The following TAFA2 variants were observed in gnomAD, a reference collection of about 807,000 sequenced individuals.
The protein encoded by TAFA2 is chemokine-like protein TAFA-2.
Under a neutral mutation model 18.8 loss-of-function variants are expected in TAFA2, and 7 were observed. The ratio of observed to expected loss-of-function variants is 0.37; its 90% CI spans 0.21 to 0.70. The LOEUF (loss-of-function observed/expected upper bound fraction) is 0.70, where lower values mean the gene tolerates loss of function less well. TAFA2 is among the 30% of genes least tolerant of loss of function. The probability of loss-of-function intolerance (pLI) is 0.53; values close to 1 mark genes in which losing one functional copy is unlikely to be tolerated. For synonymous variants in TAFA2, 60 were observed against 54.2 expected, an observed-to-expected ratio of 1.11 and a Z score of -0.47; for missense variants, 122 against 158.1, an observed-to-expected ratio of 0.77 and a Z score of 1.23.
At chr12:62,099,557 T>C (rs74490396) in intron 1 of TAFA2, among the ~76,000 whole-genome samples, 3,702 of 152,284 alleles carry the variant, frequency 0.024, 152 homozygotes, top group African/African-American at 0.084. Context: ...TCAATGACCA[T>C]TTATGCATAG....
rs755362431 is a variant in TAFA2 at position 61,781,685 on chromosome 12, AG to A, written c.107-26662del. Among the ~76,000 whole-genome samples the A allele has an allele frequency of 6.7e-4, 101 of 151,876 alleles. 1 individual carries two copies. The highest frequency in any genetic ancestry group is 1.3e-3 in the Non-Finnish European group (85 of 67,804). ...CAAAGCCCACAGTGATAAGAATGTTAGAAATACACGATAAAAATATGTCTTA... is the reference window on the plus strand; with the variant it reads ...CAAAGCCCACAGTGATAAGAATGTTAAAATACACGATAAAAATATGTCTTA... On this transcript the variant is annotated intron_variant, in intron 2 of 4. Transcript: ENST00000416284.
chr12:61,936,644 CA>C (rs1208400677), intron 1 of TAFA2, among the ~76,000 whole-genome samples: 2 of 151,942 alleles, frequency 1.3e-5, no homozygotes, highest in African/African-American at 2.4e-5. Context: ...AAACCCTCAA[CA>C]AACTAGGCAG....
At chr12:61,893,363 G>A (rs941639468) in intron 1 of TAFA2, among the ~76,000 whole-genome samples, 1 of 152,200 alleles carries the variant, frequency 6.6e-6, no homozygotes, top group Non-Finnish European at 1.5e-5. Context: ...TGAATACAAT[G>A]AATATAGAAA....
At chr12:61,810,716 T>A (rs1394813215) in intron 2 of TAFA2, among the ~76,000 whole-genome samples, 1 of 151,236 alleles carries the variant, frequency 6.6e-6, no homozygotes, top group East Asian at 1.9e-4. Context: ...GCCAGTAGAA[T>A]AAAGGTAAAA....
chr12:62,032,289 T>C (rs1035400270), intron 1 of TAFA2, among the ~76,000 whole-genome samples: 7 of 152,180 alleles, frequency 4.6e-5, no homozygotes, highest in African/African-American at 1.7e-4. Flanking sequence ...TTAAGTAATA[T>C]GACCTTTCTC....
At position 61,737,334 on chromosome 12, in the gene TAFA2, T is replaced by A. The variant is rs553899236; in HGVS notation, c.384+16288A>T. 4.6e-5 allele frequency among the ~76,000 whole-genome samples: 7 copies of A among 152,112 alleles called. No individual in the cohort carries two copies. The South Asian group carries it at 1.4e-3, about 31-fold the overall frequency. Reference sequence around the variant, plus strand: ...CATGAAAATTGCATATCTTTTTCAATTTCTCCTAACTTTTTTTCACTTCTT... The same window carrying A: ...CATGAAAATTGCATATCTTTTTCAAATTCTCCTAACTTTTTTTCACTTCTT... On this transcript the variant is annotated intron_variant, in intron 4 of 4. Coordinates refer to ENST00000416284, the MANE Select transcript of TAFA2 (RefSeq NM_178539.5).
At chr12:61,803,137 A>G (rs1871465770) in intron 2 of TAFA2, among the ~76,000 whole-genome samples, 2 of 152,010 alleles carry the variant, frequency 1.3e-5, no homozygotes, top group African/African-American at 4.8e-5. Context: ...CCAATACTTT[A>G]TCCAAGGAAT....
chr12:62,194,318 C>T (rs2062639699), upstream of TAFA2, among the ~76,000 whole-genome samples: 1 of 14,452 alleles, frequency 6.9e-5, no homozygotes, highest in African/African-American at 2.0e-4. Flanking sequence ...CACACACACA[C>T]ACACACACAT....
At chr12:62,142,445 C>T (rs546262641) in intron 1 of TAFA2, among the ~76,000 whole-genome samples, 68 of 152,252 alleles carry the variant, frequency 4.5e-4, no homozygotes, top group African/African-American at 1.5e-3. Context: ...CCTTTCACTC[C>T]ATGACATCAT....
intron 2 of TAFA2, among the ~76,000 whole-genome samples, chr12:61,784,143 T>C (rs1326002046): frequency 6.6e-6 from 1 of 151,590 alleles, no homozygotes; most frequent in East Asian, 1.9e-4. Context: ...GAAGAAAGGA[T>C]ATAATCTAAT....
chr12:61,845,971 C>T (rs1873387106), intron 2 of TAFA2, among the ~76,000 whole-genome samples: 1 of 152,092 alleles, frequency 6.6e-6, no homozygotes, highest in Non-Finnish European at 1.5e-5. Flanking sequence ...TTGTGTTTAG[C>T]CACAGAATTC....
At chr12:62,151,672 G>T (rs1325658493) in intron 1 of TAFA2, among the ~76,000 whole-genome samples, 1 of 152,134 alleles carries the variant, frequency 6.6e-6, no homozygotes, top group Admixed American at 6.5e-5. Context: ...CACTGTTCTT[G>T]CCAGAAAAGT....
intron 1 of TAFA2, among the ~76,000 whole-genome samples, chr12:62,203,248 T>A (rs972412513): frequency 1.1e-4 from 17 of 152,278 alleles, no homozygotes; most frequent in Admixed American, 3.9e-4. Context: ...AGGAGTGTTT[T>A]ACTTCCAATT....
At chr12:61,911,706 T>A (rs1348116029) in intron 1 of TAFA2, among the ~76,000 whole-genome samples, 1 of 152,168 alleles carries the variant, frequency 6.6e-6, no homozygotes, top group African/African-American at 2.4e-5. Flanking sequence ...GCATCAGGTC[T>A]GGACAGAGAG....
rs375972233 is a variant in TAFA2, at chr12:61,859,542, C to G, written c.106+7778G>C. 7.9e-5 allele frequency among the ~76,000 whole-genome samples: 12 copies of G among 152,342 alleles called. No individual in the cohort carries two copies. The East Asian group carries it at 1.4e-3, about 17-fold the overall frequency. The stretch of plus-strand genomic sequence containing the variant: ...CACTGCAACCTCCGCCTACAGGGCT[C>G]AAGCGATTCTTCTGCCTCAGCCTCC... On this transcript the variant is annotated intron_variant, in intron 2 of 4. Transcript: ENST00000416284.
chr12:62,113,004 C>A (rs964003746), intron 1 of TAFA2, among the ~76,000 whole-genome samples: 2 of 152,082 alleles, frequency 1.3e-5, no homozygotes, highest in African/African-American at 4.8e-5. Context: ...AACTCATTCT[C>A]CATCCAGTTT....
chr12:61,812,747 T>C, intron 2 of TAFA2, among the ~76,000 whole-genome samples: 1 of 150,860 alleles, frequency 6.6e-6, no homozygotes, highest in Admixed American at 6.6e-5. Context: ...CTTTTGTATT[T>C]TTAGTAGGGA....
intron 1 of TAFA2, among the ~76,000 whole-genome samples, chr12:61,934,231 C>A (rs1159634187): frequency 6.6e-6 from 1 of 152,156 alleles, no homozygotes; most frequent in African/African-American, 2.4e-5. Flanking sequence ...CCAAAACTTC[C>A]CTAACCAGAA....
chr12:61,960,269 G>T (rs1878837270), intron 1 of TAFA2, among the ~76,000 whole-genome samples: 1 of 151,456 alleles, frequency 6.6e-6, no homozygotes, highest in Non-Finnish European at 1.5e-5. Context: ...ATATCGCTGG[G>T]TTCAGTGGTC....
Sources: gnomAD v4.1 joint callset for allele counts (sites outside exome capture counted in the v4.1 genomes callset) on GRCh38, gnomAD v4.1.1 for gene constraint, MANE v1.5 for transcripts, NCBI Gene and HGNC (gene_info 2026-07-23, HGNC 2026-07-21) for gene names.